GAB3: variants seen among roughly 807,000 people sequenced by gnomAD.
The protein encoded by GAB3 is GRB2-associated-binding protein 3.
Under a neutral mutation model 40.4 loss-of-function variants are expected in GAB3, and 12 were observed. The ratio of observed to expected loss-of-function variants is 0.30; its 90% CI spans 0.19 to 0.48. The LOEUF is 0.48. GAB3 is among the 20% of genes least tolerant of loss of function. The pLI is 0.99. For missense variants in GAB3, 381 were observed against 461.9 expected (o/e 0.82, Z 1.61); for synonymous variants, 154 against 176.7 (o/e 0.87, Z 1.02).
At chrX:154,751,298 G>T (rs868938649), upstream of GAB3, among the ~76,000 whole-genome samples, 222 of 77,658 alleles carry the variant, frequency 2.9e-3, no homozygotes, top group South Asian at 6.2e-3. Context: ...GGGGGGGTGT[G>T]GGGGGGGGAG....
At position 154,716,051 on chromosome X, in the gene GAB3, G is replaced by T. The variant is rs1557257550; in HGVS notation, c.351C>A (p.Asn117Lys). 8.3e-7 allele frequency: 1 copy of T among 1,211,558 alleles called. No homozygotes were observed. The highest frequency in any genetic ancestry group is 1.8e-5 in the South Asian group (1 of 56,899). The change falls in exon 2 of 10, where the codon AAC becomes AAA. Residue 117 changes from asparagine (N) to lysine (K), a missense_variant. Physicochemically the swap from Asn to Lys is moderately conservative, Grantham distance 94. Around this residue, in one of 2 missense-constraint regions of GAB3, gnomAD observed 364 missense variants for 421.0 expected, o/e 0.86. Transcript: ENST00000424127. ...CTGCACCATCCTCCAGGTGGCCAAG[G>T]TTGCAGACCTGACTGATGCTGTGCA... ...VWVHSISQVC[N>K]LGHLEDGAAD...
At chrX:154,728,746 G>A (rs2148476027) in intron 1 of GAB3, among the ~76,000 whole-genome samples, 1 of 112,441 alleles carries the variant, frequency 8.9e-6, no homozygotes, top group African/African-American at 3.2e-5. Flanking sequence ...TGTATGCTCT[G>A]TGAAGGCAAG....
At chrX:154,680,791 A>G (rs919002947) in intron 8 of GAB3, among the ~76,000 whole-genome samples, 1 of 112,231 alleles carries the variant, frequency 8.9e-6, no homozygotes, top group Admixed American at 9.4e-5. Context: ...ACTTTTAAAT[A>G]TAGTTTTATG....
intron 4 of GAB3, among the ~76,000 whole-genome samples, chrX:154,710,201 T>A (rs1471353961): frequency 8.9e-6 from 1 of 112,544 alleles, no homozygotes; most frequent in East Asian, 2.8e-4. Context: ...GAAGCATATT[T>A]CCTATTCATG....
chrX:154,746,862 GA>G (rs782325249), intron 1 of GAB3, among the ~76,000 whole-genome samples: 64 of 112,381 alleles, frequency 5.7e-4, no homozygotes, highest in Non-Finnish European at 1.0e-3. Flanking sequence ...CTCTGAGAAA[GA>G]AAAAGTTTGA....
chrX:154,720,321 T>C (rs1270683215), intron 1 of GAB3, among the ~76,000 whole-genome samples: 1 of 111,966 alleles, frequency 8.9e-6, no homozygotes, highest in African/African-American at 3.3e-5. Flanking sequence ...CATTGAATGA[T>C]GCATGATTGT....
At chrX:154,726,902 C>T (rs1557259427) in intron 1 of GAB3, among the ~76,000 whole-genome samples, 7 of 111,664 alleles carry the variant, frequency 6.3e-5, no homozygotes. Flanking sequence ...ACCACCCCTG[C>T]CCCACAACCA....
chrX:154,716,008 C>A lies in GAB3; in HGVS notation c.376+18G>T, dbSNP rs1557257532. The A allele has an allele frequency of 1.7e-6, 2 of 1,192,868 alleles. No homozygotes were observed. The highest frequency in any genetic ancestry group is 2.3e-6 in the Non-Finnish European group (2 of 882,946). On this transcript the variant is annotated intron_variant, in intron 2 of 9. Transcript: ENST00000424127. ...TGGGATACCCCTTAGCACATGGGAG[C>A]CCCAACTCCGCTCTTACCTGCACCA... is the stretch of plus-strand genomic sequence containing the variant.
chrX:154,681,140 T>A (rs1329975324), intron 8 of GAB3, among the ~76,000 whole-genome samples: 1 of 112,200 alleles, frequency 8.9e-6, no homozygotes, highest in Admixed American at 9.4e-5. Context: ...GGTTATAGGA[T>A]ATGAGTATCT....
intron 1 of GAB3, among the ~76,000 whole-genome samples, chrX:154,743,998 G>A (rs1056184062): frequency 1.8e-5 from 2 of 110,366 alleles, no homozygotes; most frequent in African/African-American, 3.3e-5. Context: ...GGCGGATCAC[G>A]AGGTCAAGAG....
At chrX:154,682,799 GA>G (rs1269272386) in intron 8 of GAB3, among the ~76,000 whole-genome samples, 1 of 110,506 alleles carries the variant, frequency 9.0e-6, no homozygotes, top group Admixed American at 9.7e-5. Context: ...CCAACATGGT[GA>G]AACTCTGTCT....
intron 8 of GAB3, among the ~76,000 whole-genome samples, chrX:154,683,447 C>A (rs934141092): frequency 8.9e-6 from 1 of 111,899 alleles, no homozygotes; most frequent in East Asian, 2.8e-4. Flanking sequence ...AGTGCAGAGA[C>A]CTTTTGTTTT....
chrX:154,678,837 G>A (rs1603421661), intron 9 of GAB3: 1 of 136,569 alleles, frequency 7.3e-6, no homozygotes, highest in East Asian at 2.3e-4. Flanking sequence ...AGTTTCTTGA[G>A]GCTTCCCCAG....
intron 1 of GAB3, among the ~76,000 whole-genome samples, chrX:154,735,846 T>C (rs1326431976): frequency 8.9e-6 from 1 of 112,511 alleles, no homozygotes; most frequent in Non-Finnish European, 1.9e-5. Context: ...CTGACCTCAT[T>C]TGCTCCATTC....
intron 1 of GAB3, among the ~76,000 whole-genome samples, chrX:154,722,886 CT>C (rs1226279682): frequency 1.2e-4 from 13 of 109,812 alleles, no homozygotes; most frequent in Non-Finnish European, 2.3e-4. Context: ...TCTTTTCTTT[CT>C]TTTTTTTTGA....
intron 1 of GAB3, among the ~76,000 whole-genome samples, chrX:154,741,208 T>C (rs2071432120): frequency 8.9e-6 from 1 of 112,047 alleles, no homozygotes; most frequent in African/African-American, 3.2e-5. Context: ...TCCACCATGA[T>C]TGTGAAGCCT....
At chrX:154,712,182 G>A (rs2070959239) in intron 4 of GAB3, 47 bp downstream of exon 4, 1 of 984,501 alleles carries the variant, frequency 1.0e-6, no homozygotes, top group African/African-American at 1.9e-5. Context: ...AGAGTGAAGA[G>A]GAGCCCGGGT....
At chrX:154,742,904 G>C (rs1195601643) in intron 1 of GAB3, among the ~76,000 whole-genome samples, 1 of 108,608 alleles carries the variant, frequency 9.2e-6, no homozygotes, top group African/African-American at 3.4e-5. Context: ...CTAGACCACA[G>C]TGATGGTTGC....
intron 1 of GAB3, among the ~76,000 whole-genome samples, chrX:154,742,055 C>A (rs782323871): frequency 1.8e-5 from 2 of 111,555 alleles, no homozygotes; most frequent in Admixed American, 1.9e-4. Flanking sequence ...ATAGGTTCAA[C>A]CAACCACAAA....
Sources: gnomAD v4.1 joint callset for allele counts (sites outside exome capture counted in the v4.1 genomes callset) on GRCh38, gnomAD v4.1.1 for gene constraint, gnomAD v4.1.1 regional missense constraint, MANE v1.5 for transcripts, NCBI Gene and HGNC (gene_info 2026-07-23, HGNC 2026-07-21) for gene names.